The following PRUNE2 variants were observed in gnomAD, a reference collection of about 807,000 sequenced individuals.
PRUNE2 encodes the protein prune homolog 2 with BCH domain, also known as protein prune homolog 2.
PRUNE2 carries 164 observed loss-of-function variants against 252.0 expected under a neutral mutation model. The ratio of observed to expected loss-of-function variants is 0.65; its 90% CI spans 0.57 to 0.74. PRUNE2 has a LOEUF of 0.74. Among genes scored for constraint, PRUNE2 ranks in the 30% least tolerant of loss-of-function variants. The probability of loss-of-function intolerance (pLI) is 0.00; values close to 1 mark genes in which losing one functional copy is unlikely to be tolerated. For missense variants in PRUNE2, 3,495 were observed against 3,711.0 expected (o/e 0.94, Z 1.51); for synonymous variants, 1,292 against 1,350.2 (o/e 0.96, Z 0.94).
chr9:76,884,179 T>C lies in PRUNE2; in HGVS notation c.36+21749A>G, dbSNP rs551834456. Among the ~76,000 whole-genome samples, 12 of 152,292 alleles carry C rather than the reference T, an allele frequency of 7.9e-5. No individual in the cohort carries two copies. In the East Asian group the frequency reaches 1.2e-3, roughly 15 times the overall value. On this transcript the variant is annotated intron_variant, in intron 1 of 18. Coordinates refer to ENST00000376718, the MANE Select transcript of PRUNE2 (RefSeq NM_015225.3). ...GCTTGCACAAAGCACACTTGGGTTA[T>C]AGTTCCTAAGGAAGTGGTGATTAAC...
intron 3 of PRUNE2, among the ~76,000 whole-genome samples, chr9:76,848,181 C>T (rs112168807): frequency 0.16 from 23,858 of 152,132 alleles, 3,421 homozygotes; most frequent in African/African-American, 0.39. Flanking sequence ...AGAGAATCGC[C>T]TGAACCTCGG....
At chr9:76,881,093 A>G (rs893516041) in intron 1 of PRUNE2, among the ~76,000 whole-genome samples, 12 of 151,590 alleles carry the variant, frequency 7.9e-5, no homozygotes, top group Non-Finnish European at 1.6e-4. Context: ...TCAGCCTCCC[A>G]AGTACCTGGG....
intron 6 of PRUNE2, among the ~76,000 whole-genome samples, chr9:76,728,670 T>C (rs2048323219): frequency 6.6e-6 from 1 of 152,208 alleles, no homozygotes; most frequent in Non-Finnish European, 1.5e-5. Flanking sequence ...CAGCCCTAAC[T>C]TCTCCAAATG....
In PRUNE2 at chr9:76,649,643, T is replaced by TAGATAGATAGATAGATAGAA. The variant is rs1276301453; in HGVS notation, c.8557+2839_8557+2840insTTCTATCTATCTATCTATCT. Among the ~76,000 whole-genome samples the TAGATAGATAGATAGATAGAA allele has an allele frequency of 2.3e-3, 344 of 150,742 alleles. 1 individual carries two copies. The highest frequency in any genetic ancestry group is 7.8e-3 in the African/African-American group (316 of 40,510). ...ATAGATAGATAGATAGATAGATAGA[T>TAGATAGATAGATAGATAGAA]AGAATAGGCTTTTTGTCTCAGTAAA... On this transcript the variant is annotated intron_variant, in intron 11 of 18. Coordinates refer to ENST00000376718, the MANE Select transcript of PRUNE2 (RefSeq NM_015225.3).
In PRUNE2 at chr9:76,710,726, G is replaced by A. The variant is rs267602278; in HGVS notation, c.1548C>T (p.Ser516=). The A allele has an allele frequency of 1.2e-6, 2 of 1,612,766 alleles. No homozygotes were observed. The highest frequency in any genetic ancestry group is 1.7e-6 in the Non-Finnish European group (2 of 1,179,416). The part of the protein sequence containing the change: ...SQQSSHSADY[S]PADDFFPNSD... ...TGTTGGGGAAGAAGTCATCTGCTGG[G>A]GAGTAGTCTGCAGAATGAGAAGATT... The change falls in exon 8 of 19, where the codon TCC becomes TCT. Residue 516 remains serine (S), a synonymous_variant. Transcript: ENST00000376718.
At position 76,711,119 on chromosome 9, in the gene PRUNE2, A is replaced by G. The variant is rs1326633841; in HGVS notation, c.1155T>C (p.Ile385=). The change falls in exon 8 of 19, where the codon ATT becomes ATC. Residue 385 remains isoleucine (I), a synonymous_variant. Coordinates refer to ENST00000376718, the MANE Select transcript of PRUNE2 (RefSeq NM_015225.3). ...CTATGTCAGAACCATACAATTCCAT[A>G]ATCCCAGAAGACCCCTGGGAGAGGG... ...SAPLSQGSSG[I]MELYGSDIEP... The G allele has an allele frequency of 6.2e-7, 1 of 1,613,890 alleles. No individual in the cohort carries two copies. The highest frequency in any genetic ancestry group is 1.3e-5 in the African/African-American group (1 of 75,046).
At chr9:76,669,390 G>A (rs1226824226) in intron 9 of PRUNE2, among the ~76,000 whole-genome samples, 3 of 152,026 alleles carry the variant, frequency 2.0e-5, no homozygotes, top group Non-Finnish European at 2.9e-5. Context: ...CGTGATCTCG[G>A]CTCACTGCAA....
intron 9 of PRUNE2, among the ~76,000 whole-genome samples, chr9:76,670,341 A>G (rs568139): frequency 0.9 from 135,399 of 151,210 alleles, 61,939 homozygotes; most frequent in Non-Finnish European, 0.99. Flanking sequence ...GCGCTTTTCC[A>G]AAGGGCTTAA....
intron 11 of PRUNE2, among the ~76,000 whole-genome samples, chr9:76,651,325 C>A (rs1006209026): frequency 3.9e-5 from 6 of 152,178 alleles, no homozygotes; most frequent in African/African-American, 1.2e-4. Context: ...GTCTGAACTG[C>A]ACTGCTCATG....
At chr9:76,868,564 A>G (rs1354186901) in intron 1 of PRUNE2, among the ~76,000 whole-genome samples, 1 of 152,108 alleles carries the variant, frequency 6.6e-6, no homozygotes, top group Admixed American at 6.5e-5. Context: ...TAATATTTAC[A>G]CAATCACATG....
chr9:76,792,915 G>A (rs1251217769), intron 6 of PRUNE2, among the ~76,000 whole-genome samples: 1 of 152,204 alleles, frequency 6.6e-6, no homozygotes, highest in Admixed American at 6.5e-5. Flanking sequence ...TGATATGCTA[G>A]CAAGGTACTT....
At chr9:76,880,995 C>G (rs186297946) in intron 1 of PRUNE2, among the ~76,000 whole-genome samples, 37 of 144,394 alleles carry the variant, frequency 2.6e-4, no homozygotes, top group African/African-American at 8.4e-4. Flanking sequence ...GAGTCTCGCT[C>G]TATCGCCCAG....
At chr9:76,669,619 C>T (rs558788647) in intron 9 of PRUNE2, among the ~76,000 whole-genome samples, 1 of 152,312 alleles carries the variant, frequency 6.6e-6, no homozygotes, top group East Asian at 1.9e-4. Flanking sequence ...CATGCCCAGC[C>T]TCGAATGTTG....
intron 9 of PRUNE2, among the ~76,000 whole-genome samples, chr9:76,661,369 A>G (rs1417734723): frequency 6.6e-6 from 1 of 152,168 alleles, no homozygotes; most frequent in Non-Finnish European, 1.5e-5. Flanking sequence ...CAGCCTCCCA[A>G]GTAGCTAGGA....
chr9:76,860,202 T>TTTGTTATCTG (rs1202439128), intron 1 of PRUNE2, among the ~76,000 whole-genome samples: 1 of 152,194 alleles, frequency 6.6e-6, no homozygotes, highest in African/African-American at 2.4e-5. Flanking sequence ...GACCAGTTAC[T>TTTGTTATCTG]TAGGTTTTAC....
intron 4 of PRUNE2, among the ~76,000 whole-genome samples, chr9:76,843,088 A>G (rs1385258850): frequency 6.6e-6 from 1 of 152,222 alleles, no homozygotes; most frequent in African/African-American, 2.4e-5. Flanking sequence ...CATCAATGAT[A>G]GACTGGATAA....
chr9:76,763,165 A>G (rs1358278946), intron 6 of PRUNE2, among the ~76,000 whole-genome samples: 1 of 152,186 alleles, frequency 6.6e-6, no homozygotes, highest in Non-Finnish European at 1.5e-5. Flanking sequence ...TCATGACAAA[A>G]AGCCCAGGTG....
Position 76,708,275 on chromosome 9 carries a change from G to T in PRUNE2, c.3999C>A (p.Ala1333=). The T allele has an allele frequency of 6.2e-7, 1 of 1,613,754 alleles. No individual in the cohort carries two copies. Among genetic ancestry groups the T allele is most frequent in the East Asian group, 2.2e-5 (1 of 44,870 alleles). ...QSESEKEAQG[A]TDRGHLDEEE... ...CTTCATCAAGGTGCCCCCTGTCAGT[G>T]GCTCCCTGGGCTTCCTTCTCACTTT... The change falls in exon 8 of 19, where the codon GCC becomes GCA. Residue 1333 remains alanine (A), a synonymous_variant. Transcript: ENST00000376718.
chr9:76,641,897 A>G (rs960985365), intron 12 of PRUNE2: 2 of 1,503,634 alleles, frequency 1.3e-6, no homozygotes, highest in African/African-American at 2.9e-5. Context: ...ACATACACAC[A>G]CACACACCAG....
Sources: gnomAD v4.1 joint callset for allele counts (sites outside exome capture counted in the v4.1 genomes callset) on GRCh38, gnomAD v4.1.1 for gene constraint, MANE v1.5 for transcripts, NCBI Gene and HGNC (gene_info 2026-07-23, HGNC 2026-07-21) for gene names.